Variants in STRAP observed in about 807,000 individuals in gnomAD.
STRAP encodes the protein serine/threonine kinase receptor associated protein, also known as serine-threonine kinase receptor-associated protein.
Under a neutral mutation model 47.0 loss-of-function variants are expected in STRAP, and 16 were observed. The observed-to-expected ratio is 0.34, with a 90% confidence interval of 0.23 to 0.52. The LOEUF (loss-of-function observed/expected upper bound fraction) is 0.52. Among genes scored for constraint, STRAP ranks in the 20% least tolerant of loss-of-function variants. STRAP has a pLI of 0.96. For missense variants in STRAP, 293 were observed against 420.0 expected (o/e 0.70, Z 2.64); for synonymous variants, 130 against 142.7 (o/e 0.91, Z 0.63).
rs897918110 is a variant in STRAP at position 15,901,022 on chromosome 12, A to G, written c.991+10A>G. 6.3e-7 allele frequency: 1 copy of G among 1,578,480 alleles called. No individual in the cohort carries two copies. The highest frequency in any genetic ancestry group is 8.6e-7 in the Non-Finnish European group (1 of 1,163,234). ...ACAGAAGAGGAGCTAGGTAAATGCTATGGAATTGACTTTTGTAAGAGTCTT... is the reference window on the plus strand; with the variant it reads ...ACAGAAGAGGAGCTAGGTAAATGCTGTGGAATTGACTTTTGTAAGAGTCTT... On this transcript the variant is annotated intron_variant, in intron 9 of 9. Transcript: ENST00000419869.
In STRAP at chr12:15,903,192, T is replaced by A; in HGVS notation, c.*214T>A. ...ATGAAGGGAGGTGGAGTTATCCTCT[T>A]ATAGTACAGTGGCCTGTTATCTTTT... On this transcript the variant is annotated 3_prime_UTR_variant, in exon 10 of 10. Transcript: ENST00000419869. The A allele has an allele frequency of 2.4e-6, 1 of 410,200 alleles. No individual in the cohort carries two copies. The highest frequency in any genetic ancestry group is 4.3e-6 in the Non-Finnish European group (1 of 235,278). The allele number at this position is 410,200 out of a possible 1,614,324, so 25.4% of individuals were successfully genotyped here. A position where few individuals can be genotyped will look rare whatever the true frequency, so the allele number is the denominator to read the frequency against.
In STRAP at chr12:15,896,770, T is replaced by A. The variant is rs117932994; in HGVS notation, c.639-1112T>A. Among the ~76,000 whole-genome samples, 1 of 152,204 alleles carries A rather than the reference T, an allele frequency of 6.6e-6. No homozygotes were observed. The highest frequency in any genetic ancestry group is 1.5e-5 in the Non-Finnish European group (1 of 68,034). ...AGATAGGATCCTGTAAGTAGAATTATCAGTTCAAAGGCTAGAAATGAGTTT... is the reference window on the plus strand; with the variant it reads ...AGATAGGATCCTGTAAGTAGAATTAACAGTTCAAAGGCTAGAAATGAGTTT... On this transcript the variant is annotated intron_variant, in intron 6 of 9. Coordinates refer to ENST00000419869, the MANE Select transcript of STRAP (RefSeq NM_007178.4). The surrounding 1 kb of genome is among the most constrained non-coding windows in gnomAD (Gnocchi z 4.1).
chr12:15,895,925 A>G (rs1430021405), intron 6 of STRAP, among the ~76,000 whole-genome samples: 1 of 150,404 alleles, frequency 6.6e-6, no homozygotes, highest in Non-Finnish European at 1.5e-5. Flanking sequence ...GTTTTTTACT[A>G]TATAAAACCA....
intron 6 of STRAP, 40 bp from the exon 7 acceptor site, chr12:15,897,842 A>G (rs778553680): frequency 5.0e-6 from 7 of 1,394,196 alleles, no homozygotes; most frequent in Non-Finnish European, 6.7e-6. Flanking sequence ...TATTTATACC[A>G]TATTCAAGAT....
chr12:15,882,788 T>G lies in STRAP; in HGVS notation c.81T>G (p.Pro27=), dbSNP rs757959142. 6.2e-7 allele frequency: 1 copy of G among 1,613,664 alleles called. No homozygotes were observed. The highest frequency in any genetic ancestry group is 8.5e-7 in the Non-Finnish European group (1 of 1,179,906). The stretch of plus-strand genomic sequence containing the variant: ...ATTTGGCCTTCAGTGGCATCACGCC[T>G]TATGGGTATTTCTTAATCAGCGCTT... ...VVDLAFSGIT[P]YGYFLISACK... is the part of the protein sequence containing the mutation. The change falls in exon 1 of 10, where the codon CCT becomes CCG. Residue 27 remains proline (P), a synonymous_variant. Coordinates refer to ENST00000419869, the MANE Select transcript of STRAP (RefSeq NM_007178.4).
intron 6 of STRAP, among the ~76,000 whole-genome samples, chr12:15,895,821 A>G (rs1948054776): frequency 6.7e-6 from 1 of 148,374 alleles, no homozygotes; most frequent in Non-Finnish European, 1.5e-5. Context: ...TGTGATCTTG[A>G]CACTGCACTC....
In STRAP at chr12:15,882,830, C is replaced by T; in HGVS notation, c.112+11C>T. The T allele has an allele frequency of 1.2e-6, 2 of 1,608,156 alleles. No homozygotes were observed. Among genetic ancestry groups the T allele is most frequent in the East Asian group, 4.5e-5 (2 of 44,802 alleles). ...TCAGCGCTTGCAAAGGTGAGCAAGGCCGCAATCCTGGTCCTCGACGGCTGG... is the reference window on the plus strand; with the variant it reads ...TCAGCGCTTGCAAAGGTGAGCAAGGTCGCAATCCTGGTCCTCGACGGCTGG... On this transcript the variant is annotated intron_variant, in intron 1 of 9. Coordinates refer to ENST00000419869, the MANE Select transcript of STRAP (RefSeq NM_007178.4).
At chr12:15,889,468 C>T (rs1179825366) in intron 2 of STRAP, among the ~76,000 whole-genome samples, 3 of 152,120 alleles carry the variant, frequency 2.0e-5, no homozygotes, top group Admixed American at 2.0e-4. Context: ...TCCCTTGTAA[C>T]ATTTTTAAGG....
intron 6 of STRAP, 68 bp downstream of exon 6, chr12:15,895,564 G>A (rs892961271): frequency 9.8e-6 from 15 of 1,533,842 alleles, no homozygotes; most frequent in Middle Eastern, 1.8e-4. Context: ...CTTAAAAATG[G>A]GAAGGTATTT....
At chr12:15,893,963 T>C in intron 4 of STRAP, 84 bp from the exon 5 acceptor site, 1 of 1,134,124 alleles carries the variant, frequency 8.8e-7, no homozygotes, top group Admixed American at 2.2e-5. Context: ...AATGTGTGTT[T>C]TTAAAAATAT....
Position 15,890,750 on chromosome 12 carries a change from C to T in STRAP, c.403+81C>T. 1 of 1,279,660 alleles carries T rather than the reference C, an allele frequency of 7.8e-7. No individual in the cohort carries two copies. Among genetic ancestry groups the T allele is most frequent in the Non-Finnish European group, 1.1e-6 (1 of 911,698 alleles). The allele number at this position is 1,279,660 out of a possible 1,614,324, so 79.3% of individuals were successfully genotyped here. A position where few individuals can be genotyped will look rare whatever the true frequency, so the allele number is the denominator to read the frequency against. ...TGATTAAAGAATTTCATGCTCAGTA[C>T]TCAAATTTGGAAAATAAAGATAGTC... On this transcript the variant is annotated intron_variant, in intron 4 of 9. Transcript: ENST00000419869. The surrounding 1 kb of genome is among the most constrained non-coding windows in gnomAD (Gnocchi z 4.5).
intron 7 of STRAP, 49 bp from the exon 8 acceptor site, chr12:15,899,845 TAGCATATCAA>T: frequency 2.0e-6 from 3 of 1,485,614 alleles, no homozygotes; most frequent in South Asian, 1.2e-5. Flanking sequence ...TTTTTTTTTT[TAGCATATCAA>T]TATTTAACCT....
intron 2 of STRAP, among the ~76,000 whole-genome samples, chr12:15,889,595 G>T (rs1180544818): frequency 1.3e-5 from 2 of 152,070 alleles, no homozygotes; most frequent in Admixed American, 6.5e-5. Context: ...CTTGCTAAAG[G>T]GATATTATGG....
rs765361328 is a variant in STRAP, at chr12:15,895,500, T to C, written c.638+4T>C. 18 of 1,584,804 alleles carry C rather than the reference T, an allele frequency of 1.1e-5. No homozygotes were observed. The Middle Eastern group carries it at 5.0e-4, about 44-fold the overall frequency. Reference sequence around the variant, plus strand: ...TTGCTTTTCATAGTGCAGTAAGGTATGTCCAAGAAATACTTTCATTTTCTT... The same window carrying C: ...TTGCTTTTCATAGTGCAGTAAGGTACGTCCAAGAAATACTTTCATTTTCTT... On this transcript the variant is annotated splice_donor_region_variant and intron_variant, in intron 6 of 9. Transcript: ENST00000419869.
intron 7 of STRAP, among the ~76,000 whole-genome samples, chr12:15,898,626 G>T (rs1485936792): frequency 6.6e-6 from 1 of 152,014 alleles, no homozygotes; most frequent in East Asian, 1.9e-4. Flanking sequence ...AAAGGCATGG[G>T]GATTAATTTG....
At chr12:15,892,358 A>G (rs1948023824) in intron 4 of STRAP, among the ~76,000 whole-genome samples, 1 of 152,150 alleles carries the variant, frequency 6.6e-6, no homozygotes, top group Non-Finnish European at 1.5e-5. Flanking sequence ...CTCATTTTAC[A>G]GAAGTTATAG....
intron 4 of STRAP, among the ~76,000 whole-genome samples, chr12:15,892,247 T>G (rs1486433621): frequency 1.3e-5 from 2 of 152,192 alleles, no homozygotes; most frequent in Non-Finnish European, 2.9e-5. Context: ...TAAAGGTTCT[T>G]TATTGAATTC....
At chr12:15,898,405 C>T (rs1948077707) in intron 7 of STRAP, 1 of 154,936 alleles carries the variant, frequency 6.5e-6, no homozygotes, top group Non-Finnish European at 1.4e-5. Context: ...ATAACCCCAT[C>T]TACTTGGCCC....
intron 9 of STRAP, among the ~76,000 whole-genome samples, chr12:15,902,700 T>C (rs1350745577): frequency 6.6e-6 from 1 of 152,166 alleles, no homozygotes; most frequent in Non-Finnish European, 1.5e-5. Flanking sequence ...TAAGAGAATC[T>C]AGTGGATAAA....
Sources: allele counts gnomAD v4.1 joint callset (sites outside exome capture counted in the v4.1 genomes callset), GRCh38; gene constraint gnomAD v4.1.1; non-coding constraint Gnocchi (gnomAD v3.1); transcripts MANE v1.5; gene names NCBI Gene and HGNC (gene_info 2026-07-23, HGNC 2026-07-21).